GAS6: variants seen among roughly 807,000 people sequenced by gnomAD.
GAS6 encodes growth arrest specific 6.
Under a neutral mutation model 75.8 loss-of-function variants are expected in GAS6, and 41 were observed. That is an observed-to-expected ratio of 0.54 (90% CI 0.42 to 0.70). GAS6 has a LOEUF of 0.70. Ranked by LOEUF, GAS6 falls within the 30% of genes least tolerant of loss-of-function variation. The pLI, the probability that GAS6 is intolerant of heterozygous loss-of-function variation, is 0.00. For synonymous variants in GAS6, 432 were observed against 412.6 expected (o/e 1.05, Z -0.57); for missense variants, 854 against 940.2 (o/e 0.91, Z 1.20).
rs1411685717 is a variant in GAS6 at position 113,820,845 on chromosome 13, TGCCGCGTCCCGTGGGG to T, written c.*3_*18del. ...TGTCTCGGACAGAGACTGAGAAGCCTGCCGCGTCCCGTGGGGGCCTAGGCTGCGGCGGGCTCCACGG... is the reference window on the plus strand; with the variant it reads ...TGTCTCGGACAGAGACTGAGAAGCCTGCCTAGGCTGCGGCGGGCTCCACGG... On this transcript the variant is annotated 3_prime_UTR_variant, in exon 15 of 15. Coordinates refer to ENST00000327773, the MANE Select transcript of GAS6 (RefSeq NM_000820.4). The T allele has an allele frequency of 2.5e-6, 4 of 1,603,228 alleles. No individual in the cohort carries two copies. The highest frequency in any genetic ancestry group is 3.4e-6 in the Non-Finnish European group (4 of 1,177,026).
Position 113,845,534 on chromosome 13 carries a change from A to C in GAS6, c.343+993T>G, listed in dbSNP as rs1041832155. On this transcript the variant is annotated intron_variant, in intron 4 of 14. Transcript: ENST00000327773. The surrounding 1 kb of genome is among the most constrained non-coding windows in gnomAD (Gnocchi z 4.3). ...AGGTATGTTAAAATTCATACAGGAC[A>C]CCCAAAACAATCAATCTTATTGCAT... 2 of 150,236 alleles carry C rather than the reference A, an allele frequency of 1.3e-5. No individual in the cohort carries two copies. The highest frequency in any genetic ancestry group is 2.5e-5 in the African/African-American group (1 of 39,746). The allele number at this position is 150,236 out of a possible 1,614,324, so 9.3% of individuals were successfully genotyped here. A position where few individuals can be genotyped will look rare whatever the true frequency, so the allele number is the denominator to read the frequency against.
chr13:113,840,041 C>A, intron 4 of GAS6, 191 bp from the exon 5 acceptor site: 1 of 728,464 alleles, frequency 1.4e-6, no homozygotes, highest in Admixed American at 3.0e-5. Flanking sequence ...GGCTGGCGGG[C>A]CCTGGGGCCG....
chr13:113,828,979 C>A (rs111875625), intron 10 of GAS6, among the ~76,000 whole-genome samples: 15 of 78,184 alleles, frequency 1.9e-4, no homozygotes, highest in African/African-American at 8.2e-4. Context: ...CCTGATCCTC[C>A]CCTGAGCCAA....
In GAS6 at chr13:113,863,066, G is replaced by A. The variant is rs926296881; in HGVS notation, c.255+509C>T. On this transcript the variant is annotated intron_variant, in intron 2 of 14. Coordinates refer to ENST00000327773, the MANE Select transcript of GAS6 (RefSeq NM_000820.4). The surrounding 1 kb of genome is among the most constrained non-coding windows in gnomAD (Gnocchi z 9.4). Reference sequence around the variant, plus strand: ...GGAGAGCACCTGGCAGAACGGGGCCGCGGAGCCGCCCTCCCCTCCCGCATG... The same window carrying A: ...GGAGAGCACCTGGCAGAACGGGGCCACGGAGCCGCCCTCCCCTCCCGCATG... 6.6e-6 allele frequency among the ~76,000 whole-genome samples: 1 copy of A among 152,132 alleles called. No individual in the cohort carries two copies. The highest frequency in any genetic ancestry group is 2.4e-5 in the African/African-American group (1 of 41,436).
At position 113,823,194 on chromosome 13, in the gene GAS6, A is replaced by C. The variant is rs1476449506; in HGVS notation, c.1653+181T>G. 4.8e-6 allele frequency: 3 copies of C among 630,262 alleles called. No homozygotes were observed. In the East Asian group the frequency reaches 8.9e-5, roughly 19 times the overall value. 39.0% of individuals were successfully genotyped at this position (630,262 alleles called of 1,614,324 possible). A position where few individuals can be genotyped will look rare whatever the true frequency, so the allele number is the denominator to read the frequency against. ...GCTGTGTGGCGGTGACCTGGTGTCC[A>C]AACAACCCCCGCAGCCCGAAGCGTG... On this transcript the variant is annotated intron_variant, in intron 13 of 14. Transcript: ENST00000327773.
intron 14 of GAS6, 71 bp from the exon 15 acceptor site, chr13:113,821,089 C>T (rs1257067307): frequency 6.9e-5 from 106 of 1,545,670 alleles, no homozygotes; most frequent in South Asian, 5.8e-4. Flanking sequence ...CCCCCACCCC[C>T]GGCAGCGCTT....
At chr13:113,828,305 A>C (rs141021948) in intron 11 of GAS6, among the ~76,000 whole-genome samples, 1 of 152,356 alleles carries the variant, frequency 6.6e-6, no homozygotes, top group East Asian at 1.9e-4. Context: ...ATCTCCATTG[A>C]AAAATAGACA....
chr13:113,855,721 CA>C lies in GAS6; in HGVS notation c.256-7672del, dbSNP rs775278465. Among the ~76,000 whole-genome samples, 9 of 152,280 alleles carry C rather than the reference CA, an allele frequency of 5.9e-5. No individual in the cohort carries two copies. In the East Asian group the frequency reaches 1.4e-3, roughly 23 times the overall value. ...GAGCTCTGCCCAGCTGGTGTAAGGA[CA>C]GTAAAGGCAACCAGATGCCCTGACT... is the stretch of plus-strand genomic sequence containing the variant. On this transcript the variant is annotated intron_variant, in intron 2 of 14. Transcript: ENST00000327773.
chr13:113,833,340 C>A, intron 8 of GAS6: 2 of 998,276 alleles, frequency 2.0e-6, no homozygotes, highest in Non-Finnish European at 2.4e-6. Flanking sequence ...AACCTCAAGG[C>A]GAGGGCTGGC....
At position 113,835,875 on chromosome 13, in the gene GAS6, G is replaced by A. The variant is rs538983024; in HGVS notation, c.590-240C>T. On this transcript the variant is annotated intron_variant, in intron 6 of 14. Coordinates refer to ENST00000327773, the MANE Select transcript of GAS6 (RefSeq NM_000820.4). ...GGCTGACTTCAGCCCAGCAGGTGGA[G>A]AGCTGGGAAGGGCCCTGCTTGGTGG... 2.8e-5 allele frequency: 37 copies of A among 1,343,912 alleles called. No homozygotes were observed. In the East Asian group the frequency reaches 9.4e-4, roughly 34 times the overall value. The allele number at this position is 1,343,912 out of a possible 1,614,324, so 83.2% of individuals were successfully genotyped here. A position where few individuals can be genotyped will look rare whatever the true frequency, so the allele number is the denominator to read the frequency against.
chr13:113,835,955 C>T (rs1012254323), intron 6 of GAS6: 6 of 1,132,016 alleles, frequency 5.3e-6, no homozygotes, highest in Non-Finnish European at 6.5e-6. Context: ...GACGGTGCTA[C>T]AGGACACGGG....
At chr13:113,861,869 C>G (rs564110920) in intron 2 of GAS6, among the ~76,000 whole-genome samples, 1 of 152,218 alleles carries the variant, frequency 6.6e-6, no homozygotes, top group Non-Finnish European at 1.5e-5. Flanking sequence ...ACGCTGGGAA[C>G]TGAGATGACG....
At chr13:113,826,296 G>A (rs1324026898) in intron 12 of GAS6, among the ~76,000 whole-genome samples, 2 of 152,184 alleles carry the variant, frequency 1.3e-5, no homozygotes, top group Non-Finnish European at 2.9e-5. Flanking sequence ...CCATGTTACC[G>A]AGAGCTTCTC....
Position 113,820,708 on chromosome 13 carries a change from C to T in GAS6, c.*156G>A. On this transcript the variant is annotated 3_prime_UTR_variant, in exon 15 of 15. Coordinates refer to ENST00000327773, the MANE Select transcript of GAS6 (RefSeq NM_000820.4). ...CGGCTGAGTGCGCGGCGTCAGAGGCCCCAAGTCCATCTCACTATTTACAGA... is the reference window on the plus strand; with the variant it reads ...CGGCTGAGTGCGCGGCGTCAGAGGCTCCAAGTCCATCTCACTATTTACAGA... 1.1e-6 allele frequency: 1 copy of T among 918,770 alleles called. No homozygotes were observed. The highest frequency in any genetic ancestry group is 1.8e-5 in the South Asian group (1 of 55,834). 56.9% of individuals were successfully genotyped at this position (918,770 alleles called of 1,614,324 possible).
Position 113,822,159 on chromosome 13 carries a change from C to T in GAS6, c.1681G>A (p.Ala561Thr). Residue 561 changes from alanine to threonine, a missense_variant, in exon 14 of 15, where the codon GCC becomes ACC. Physicochemically the swap from Ala to Thr is moderately conservative, Grantham distance 58. Transcript: ENST00000327773. ...ACCTTGATCTCCATTAGGGCCAAGG[C>T]CGTATGCTCCACGGCCAGGACCACC... is the stretch of plus-strand genomic sequence containing the variant. The part of the protein sequence containing the change: ...QLVVLAVEHT[A>T]LALMEIKVCD... The T allele has an allele frequency of 2.5e-6, 4 of 1,579,772 alleles. No individual in the cohort carries two copies. Among genetic ancestry groups the T allele is most frequent in the African/African-American group, 1.3e-5 (1 of 74,714 alleles).
intron 2 of GAS6, among the ~76,000 whole-genome samples, chr13:113,860,173 A>G (rs549131661): frequency 6.6e-6 from 1 of 152,284 alleles, no homozygotes; most frequent in African/African-American, 2.4e-5. Context: ...AAAGAAAGAG[A>G]TGGGGGAAGG....
At chr13:113,856,182 CCGCCCTGTGCTTT>C (rs2051912723) in intron 2 of GAS6, among the ~76,000 whole-genome samples, 1 of 152,248 alleles carries the variant, frequency 6.6e-6, no homozygotes, top group Non-Finnish European at 1.5e-5. Context: ...CTCCCCGCAG[CCGCCCTGTGCTTT>C]ATGCGCCCAC....
intron 8 of GAS6, chr13:113,833,186 C>T: frequency 8.9e-7 from 1 of 1,121,678 alleles, no homozygotes; most frequent in Non-Finnish European, 1.1e-6. Context: ...AGAACCAAAG[C>T]CGGTGTGAGC....
chr13:113,848,628 G>C lies in GAS6; in HGVS notation c.256-578C>G, dbSNP rs1411135613. Among the ~76,000 whole-genome samples the C allele has an allele frequency of 6.6e-6, 1 of 152,132 alleles. No individual in the cohort carries two copies. Among genetic ancestry groups the C allele is most frequent in the Non-Finnish European group, 1.5e-5 (1 of 68,034 alleles). On this transcript the variant is annotated intron_variant, in intron 2 of 14. Transcript: ENST00000327773. This position sits in a 1 kb window ranked among gnomAD's most constrained non-coding sequence, Gnocchi z 4.8. ...CCGGAAACTTCTTCAGGATCCTTTTGCCATGGCCCACAGATTCTAGGGCCA... is the reference window on the plus strand; with the variant it reads ...CCGGAAACTTCTTCAGGATCCTTTTCCCATGGCCCACAGATTCTAGGGCCA...
Sources: gnomAD v4.1 joint callset for allele counts (sites outside exome capture counted in the v4.1 genomes callset) on GRCh38, gnomAD v4.1.1 for gene constraint, Gnocchi (gnomAD v3.1) non-coding constraint, MANE v1.5 for transcripts, NCBI Gene and HGNC (gene_info 2026-07-23, HGNC 2026-07-21) for gene names.